Variants in TSHR observed in about 807,000 individuals in gnomAD.
TSHR encodes the protein thyroid stimulating hormone receptor.
A neutral mutation model predicts 64.1 loss-of-function variants in TSHR; 51 were observed. The observed-to-expected ratio is 0.80, with a 90% CI of 0.64 to 1.01. The LOEUF is 1.01. TSHR is among the 50% of genes least tolerant of loss of function. The probability of loss-of-function intolerance (pLI) is 0.00; values close to 1 mark genes in which losing one functional copy is unlikely to be tolerated. For missense variants in TSHR, 877 were observed against 942.8 expected (o/e 0.93, Z 0.91); for synonymous variants, 361 against 361.9 (o/e 1.00, Z 0.03).
chr14:81,137,667 T>C (rs1891507973), intron 8 of TSHR, among the ~76,000 whole-genome samples: 1 of 152,202 alleles, frequency 6.6e-6, no homozygotes, highest in Admixed American at 6.5e-5. Flanking sequence ...AAATTAATGA[T>C]CCATAAAACC....
intron 1 of TSHR, among the ~76,000 whole-genome samples, chr14:81,039,686 T>C (rs1000492355): frequency 9.2e-5 from 14 of 151,510 alleles, no homozygotes; most frequent in Admixed American, 7.9e-4. Flanking sequence ...TAAAAAACTA[T>C]CTGAAAAATA....
At chr14:81,105,074 G>C in intron 7 of TSHR, 1 of 985,328 alleles carries the variant, frequency 1.0e-6, no homozygotes, top group Non-Finnish European at 1.2e-6. Flanking sequence ...CTCCTTGCAA[G>C]GGATAGTTTT....
chr14:81,102,443 A>G (rs186227239), intron 7 of TSHR, among the ~76,000 whole-genome samples: 1 of 152,210 alleles, frequency 6.6e-6, no homozygotes, highest in South Asian at 2.1e-4. Context: ...TGACATTTTT[A>G]TGTTAAGTAT....
chr14:81,010,677 G>A (rs1889856821), intron 1 of TSHR, among the ~76,000 whole-genome samples: 1 of 151,326 alleles, frequency 6.6e-6, no homozygotes, highest in African/African-American at 2.4e-5. Flanking sequence ...CCTATTTTTT[G>A]TCTTATTGCA....
At chr14:81,018,561 G>A (rs886726263) in intron 1 of TSHR, among the ~76,000 whole-genome samples, 2 of 152,190 alleles carry the variant, frequency 1.3e-5, no homozygotes, top group African/African-American at 2.4e-5. Flanking sequence ...AGAGTTGGAG[G>A]GAAAGCCCCA....
At chr14:81,025,602 G>T (rs902353262) in intron 1 of TSHR, among the ~76,000 whole-genome samples, 9 of 152,104 alleles carry the variant, frequency 5.9e-5, no homozygotes, top group African/African-American at 1.9e-4. Flanking sequence ...ACATTAAACT[G>T]GGAGCCCAGA....
intron 1 of TSHR, chr14:80,982,623 C>T: frequency 9.2e-7 from 1 of 1,090,420 alleles, no homozygotes; most frequent in African/African-American, 1.6e-5. Context: ...AAAAATAGGC[C>T]CAAGGACTGG....
intron 3 of TSHR, among the ~76,000 whole-genome samples, chr14:81,071,170 T>C (rs1179540191): frequency 6.6e-6 from 1 of 151,970 alleles, no homozygotes; most frequent in Non-Finnish European, 1.5e-5. Context: ...AACATTAAAA[T>C]TTCTCAGTCA....
chr14:81,144,147 G>T lies in TSHR; in HGVS notation c.2089G>T (p.Gly697Cys). Reference protein sequence around the residue: ...RDVFILLSKFGICKRQAQAYR... With the variant: ...RDVFILLSKFCICKRQAQAYR... ...TGTGTTCATCCTACTCAGCAAGTTT[G>T]GCATCTGTAAACGCCAGGCTCAGGC... The change falls in exon 10 of 10, where the codon GGC becomes TGC. Residue 697 changes from glycine to cysteine, a missense_variant. By Grantham distance (159) the Gly-to-Cys change is radical (BLOSUM62 -3). Transcript: ENST00000298171. 1 of 1,614,074 alleles carries T rather than the reference G, an allele frequency of 6.2e-7. No individual in the cohort carries two copies. Among genetic ancestry groups the T allele is most frequent in the Non-Finnish European group, 8.5e-7 (1 of 1,180,028 alleles).
Position 81,103,938 on chromosome 14 carries a change from G to T in TSHR, c.615-4437G>T. ...AGCCCACCAATACACTAATTATTAT[G>T]AACAGAGTCAACAGAATTAATGTGC... On this transcript the variant is annotated intron_variant, in intron 7 of 9. Coordinates refer to ENST00000298171, the MANE Select transcript of TSHR (RefSeq NM_000369.5). The surrounding 1 kb of genome is among the most constrained non-coding windows in gnomAD (Gnocchi z 4.1). 1.0e-6 allele frequency: 1 copy of T among 985,398 alleles called. No individual in the cohort carries two copies. Among genetic ancestry groups the T allele is most frequent in the Non-Finnish European group, 1.2e-6 (1 of 829,920 alleles). The allele number at this position is 985,398 out of a possible 1,614,324, so 61.0% of individuals were successfully genotyped here.
chr14:81,073,454 T>G (rs1887265669), intron 3 of TSHR, among the ~76,000 whole-genome samples: 1 of 152,088 alleles, frequency 6.6e-6, no homozygotes, highest in Non-Finnish European at 1.5e-5. Flanking sequence ...GAACATTTAC[T>G]AAAATTGACC....
At chr14:81,014,005 T>G (rs1027771880) in intron 1 of TSHR, 2 of 152,210 alleles carry the variant, frequency 1.3e-5, no homozygotes, top group Admixed American at 6.5e-5. Flanking sequence ...AAGACAGATA[T>G]ACCTATGAGA....
At chr14:81,102,559 C>T (rs774162055) in intron 7 of TSHR, among the ~76,000 whole-genome samples, 19 of 152,172 alleles carry the variant, frequency 1.2e-4, no homozygotes, top group Non-Finnish European at 2.8e-4. Context: ...CAAACTTTTT[C>T]TGGGAAAAGC....
At chr14:80,997,362 C>T (rs180959077) in intron 1 of TSHR, among the ~76,000 whole-genome samples, 1 of 152,302 alleles carries the variant, frequency 6.6e-6, no homozygotes, top group Admixed American at 6.5e-5. Context: ...TTCACCCCTC[C>T]CTATCTCTCT....
chr14:81,038,676 G>A (rs1884773700), intron 1 of TSHR, among the ~76,000 whole-genome samples: 2 of 149,770 alleles, frequency 1.3e-5, no homozygotes, highest in South Asian at 4.2e-4. Context: ...CAGAAATACA[G>A]AGAATCATAA....
At chr14:81,095,226 G>C (rs1213060687) in intron 6 of TSHR, among the ~76,000 whole-genome samples, 2 of 152,096 alleles carry the variant, frequency 1.3e-5, no homozygotes, top group Non-Finnish European at 2.9e-5. Flanking sequence ...CCAAGGCTGG[G>C]GCTCCTTCTC....
chr14:81,127,595 G>A (rs1056576675), intron 8 of TSHR, among the ~76,000 whole-genome samples: 8 of 152,126 alleles, frequency 5.3e-5, no homozygotes, highest in Admixed American at 1.3e-4. Context: ...CACATGTTGT[G>A]GGAGGGACCC....
At chr14:81,030,296 G>A (rs2300522) in intron 1 of TSHR, among the ~76,000 whole-genome samples, 11 of 151,882 alleles carry the variant, frequency 7.2e-5, no homozygotes, top group African/African-American at 2.2e-4. Flanking sequence ...GTCTCTTGGC[G>A]AAAAGACCAC....
At chr14:81,013,387 C>G (rs1427040219) in intron 1 of TSHR, 1 of 152,108 alleles carries the variant, frequency 6.6e-6, no homozygotes, top group Non-Finnish European at 1.5e-5. Context: ...ATGCCTCCAG[C>G]TTTGTTCTTT....
Sources: gnomAD v4.1 joint callset for allele counts (sites outside exome capture counted in the v4.1 genomes callset) on GRCh38, gnomAD v4.1.1 for gene constraint, Gnocchi (gnomAD v3.1) non-coding constraint, MANE v1.5 for transcripts, NCBI Gene and HGNC (gene_info 2026-07-23, HGNC 2026-07-21) for gene names.